The following PTPRN2 variants were observed in gnomAD, a reference collection of about 807,000 sequenced individuals.
PTPRN2 encodes protein tyrosine phosphatase receptor type N2, also known as receptor-type tyrosine-protein phosphatase N2.
PTPRN2 carries 74 observed loss-of-function variants against 118.8 expected under a neutral mutation model. That is an observed-to-expected ratio of 0.62 (90% CI 0.52 to 0.76). PTPRN2 has a LOEUF of 0.76. Ranked by LOEUF, PTPRN2 falls within the 30% of genes least tolerant of loss-of-function variation. The probability of loss-of-function intolerance (pLI) is 0.00; values close to 1 mark genes in which losing one functional copy is unlikely to be tolerated. For missense variants in PTPRN2, 1,481 were observed against 1,394.4 expected, an observed-to-expected ratio of 1.06 and a Z score of -0.99; for synonymous variants, 641 against 608.0, an observed-to-expected ratio of 1.05 and a Z score of -0.80.
intron 12 of PTPRN2, among the ~76,000 whole-genome samples, chr7:157,846,090 T>C (rs1416123966): frequency 6.6e-6 from 1 of 151,576 alleles, no homozygotes; most frequent in African/African-American, 2.4e-5. Context: ...AAGGTGGGGG[T>C]GAGCCACCCG....
intron 12 of PTPRN2, among the ~76,000 whole-genome samples, chr7:157,888,751 C>T (rs749484094): frequency 2.0e-5 from 3 of 152,162 alleles, no homozygotes; most frequent in East Asian, 1.9e-4. Flanking sequence ...TGACGGGGGC[C>T]GCCATGTCCC....
At chr7:158,222,226 A>G (rs569121977) in intron 3 of PTPRN2, among the ~76,000 whole-genome samples, 71 of 152,214 alleles carry the variant, frequency 4.7e-4, no homozygotes, top group Non-Finnish European at 7.8e-4. Flanking sequence ...CAGTATGGGC[A>G]TATAGCCAAA....
chr7:158,407,318 GGGT>G lies in PTPRN2; in HGVS notation c.163+82414_163+82416del, dbSNP rs1192407892. Among the ~76,000 whole-genome samples, 37 of 123,686 alleles carry G rather than the reference GGGT, an allele frequency of 3.0e-4. 1 individual carries two copies. Among genetic ancestry groups the G allele is most frequent in the Non-Finnish European group, 4.2e-4 (25 of 59,034 alleles). The allele number at this position is 123,686 out of a possible 152,430, so 81.1% of individuals were successfully genotyped here. A position where few individuals can be genotyped will look rare whatever the true frequency, so the allele number is the denominator to read the frequency against. ...TCCTGCGTCCTGGGTCCTGGGTCCTGGGTCCTGCGTCCTGGGTCCTGCGTCCTG... is the reference window on the plus strand; with the variant it reads ...TCCTGCGTCCTGGGTCCTGGGTCCTGCCTGCGTCCTGGGTCCTGCGTCCTG... On this transcript the variant is annotated intron_variant, in intron 2 of 22. Transcript: ENST00000389418.
At chr7:158,369,820 A>C (rs566169220) in intron 2 of PTPRN2, among the ~76,000 whole-genome samples, 1 of 152,358 alleles carries the variant, frequency 6.6e-6, no homozygotes, top group East Asian at 1.9e-4. Context: ...AATTCTAAAA[A>C]GCATCTGATT....
At chr7:158,420,821 C>T (rs987061733) in intron 2 of PTPRN2, among the ~76,000 whole-genome samples, 13 of 152,152 alleles carry the variant, frequency 8.5e-5, no homozygotes, top group African/African-American at 3.1e-4. Context: ...TCCATGGAAG[C>T]GGGGATGAAG....
chr7:158,094,731 G>A (rs1180925596), intron 10 of PTPRN2, among the ~76,000 whole-genome samples: 1 of 152,270 alleles, frequency 6.6e-6, no homozygotes, highest in East Asian at 1.9e-4. Flanking sequence ...CAAGAATTAG[G>A]ACCCAGGCTT....
At chr7:158,225,372 G>T (rs929661650) in intron 3 of PTPRN2, among the ~76,000 whole-genome samples, 7 of 151,764 alleles carry the variant, frequency 4.6e-5, no homozygotes, top group African/African-American at 1.7e-4. Context: ...CTGCACCACG[G>T]AGCACCACTT....
intron 14 of PTPRN2, among the ~76,000 whole-genome samples, chr7:157,625,674 C>G (rs1803525558): frequency 6.6e-6 from 1 of 151,970 alleles, no homozygotes; most frequent in Non-Finnish European, 1.5e-5. Flanking sequence ...CAAATCACCA[C>G]TAAAGAACTT....
chr7:158,292,376 A>G (rs2151023912), intron 3 of PTPRN2, among the ~76,000 whole-genome samples: 2 of 152,366 alleles, frequency 1.3e-5, no homozygotes, highest in South Asian at 4.1e-4. Context: ...TCAGTTTTAA[A>G]TAGGGATGAA....
chr7:158,133,918 C>A lies in PTPRN2; in HGVS notation c.1315G>T (p.Glu439Ter), dbSNP rs1818592146. The change falls in exon 9 of 23, where the codon GAG (glutamate) becomes TAG (stop). Residue 439 changes from glutamate to a stop codon, truncating the protein, a stop_gained. Coordinates refer to ENST00000389418, the MANE Select transcript of PTPRN2 (RefSeq NM_002847.5). LOFTEE classifies it high-confidence loss of function. ...EHPESSLSSE[E>*]ETAGVENVKS... ...ACGTTCTCCACTCCGGCAGTCTCCT[C>A]TTCTGAAGACAGGGAAGACTCAGGG... 1 of 1,613,996 alleles carries A rather than the reference C, an allele frequency of 6.2e-7. No homozygotes were observed. The highest frequency in any genetic ancestry group is 8.5e-7 in the Non-Finnish European group (1 of 1,180,044).
chr7:158,033,856 C>T (rs952049249), intron 11 of PTPRN2, among the ~76,000 whole-genome samples: 1 of 149,742 alleles, frequency 6.7e-6, no homozygotes, highest in East Asian at 2.0e-4. Context: ...GTGAGCATCC[C>T]TAGTCAGCAA....
intron 2 of PTPRN2, among the ~76,000 whole-genome samples, chr7:158,337,620 A>T (rs6956541): frequency 0.25 from 9,350 of 37,978 alleles, 1,518 homozygotes; most frequent in Middle Eastern, 0.29. Flanking sequence ...CCATAAGAGG[A>T]GACACCTGCA....
chr7:158,307,790 A>C (rs1160010979), intron 3 of PTPRN2, among the ~76,000 whole-genome samples: 1 of 152,126 alleles, frequency 6.6e-6, no homozygotes, highest in Non-Finnish European at 1.5e-5. Flanking sequence ...AGGGAGGAGG[A>C]AACTGGGTCA....
At chr7:158,206,303 G>A (rs985206723) in intron 3 of PTPRN2, among the ~76,000 whole-genome samples, 5 of 152,188 alleles carry the variant, frequency 3.3e-5, no homozygotes, top group African/African-American at 1.2e-4. Flanking sequence ...TAGCTCCCAG[G>A]TGACATTTCT....
intron 5 of PTPRN2, among the ~76,000 whole-genome samples, chr7:158,177,512 A>C (rs1276785765): frequency 2.0e-5 from 3 of 152,172 alleles, no homozygotes; most frequent in African/African-American, 2.4e-5. Flanking sequence ...CCCTGAATAC[A>C]TTCCGGTGCC....
chr7:157,600,360 C>T (rs1801601575), intron 16 of PTPRN2, among the ~76,000 whole-genome samples: 4 of 152,236 alleles, frequency 2.6e-5, no homozygotes, highest in African/African-American at 4.8e-5. Flanking sequence ...GTCTCTTTTC[C>T]AAATACTAAG....
At chr7:158,220,240 A>C (rs903823299) in intron 3 of PTPRN2, among the ~76,000 whole-genome samples, 9 of 152,142 alleles carry the variant, frequency 5.9e-5, no homozygotes, top group Admixed American at 2.6e-4. Context: ...AGTTGGAAGC[A>C]TTTCCTGTGA....
chr7:157,642,837 A>AAAAAAAC (rs1804776331), intron 14 of PTPRN2, among the ~76,000 whole-genome samples: 1 of 147,420 alleles, frequency 6.8e-6, no homozygotes, highest in Non-Finnish European at 1.5e-5. Context: ...AAAAAAAAAA[A>AAAAAAAC]AAAAAAAGCA....
intron 8 of PTPRN2, 112 bp downstream of exon 8, chr7:158,136,543 T>C (rs1463908259): frequency 1.0e-6 from 1 of 988,234 alleles, no homozygotes; most frequent in East Asian, 2.5e-5. Flanking sequence ...GGTTTCTCCA[T>C]AATTTTCTGG....
Sources: gnomAD v4.1 joint callset for allele counts (sites outside exome capture counted in the v4.1 genomes callset) on GRCh38, gnomAD v4.1.1 for gene constraint, MANE v1.5 for transcripts, NCBI Gene and HGNC (gene_info 2026-07-23, HGNC 2026-07-21) for gene names.